The following CACNA1S variants were observed in gnomAD, a reference collection of about 807,000 sequenced individuals.
The protein encoded by CACNA1S is calcium voltage-gated channel subunit alpha1 S.
In CACNA1S, 126 loss-of-function variants were observed where a neutral mutation model predicts 207.4. The ratio of observed to expected loss-of-function variants is 0.61; its 90% CI spans 0.53 to 0.70. The LOEUF (loss-of-function observed/expected upper bound fraction) is 0.70, where lower values mean the gene tolerates loss of function less well. Ranked by LOEUF, CACNA1S falls within the 30% of genes least tolerant of loss-of-function variation. The pLI, the probability that CACNA1S is intolerant of heterozygous loss-of-function variation, is 0.00. For missense variants in CACNA1S, 2,349 were observed against 2,422.8 expected, an observed-to-expected ratio of 0.97 and a Z score of 0.64; for synonymous variants, 960 against 932.7, an observed-to-expected ratio of 1.03 and a Z score of -0.53.
At chr1:201,094,113 T>C in intron 2 of CACNA1S, 92 bp from the exon 3 acceptor site, 1 of 1,525,884 alleles carries the variant, frequency 6.6e-7, no homozygotes, top group Non-Finnish European at 9.1e-7. Context: ...TCCCTGCTGT[T>C]GCTCAGGCAC....
Position 201,077,082 on chromosome 1 carries a change from G to A in CACNA1S, c.1665C>T (p.Ser555=). Residue 555 remains serine, a synonymous_variant, in exon 12 of 44, where the codon TCC becomes TCT. Transcript: ENST00000362061. The part of the protein sequence containing the change: ...LSNLVASLLN[S]IRSIASLLLL... Reference sequence around the variant, plus strand: ...GCAGCAGGGAGGCGATGGAGCGGATGGAGTTGAGCAGGGATGCCACCAGGT... The same window carrying A: ...GCAGCAGGGAGGCGATGGAGCGGATAGAGTTGAGCAGGGATGCCACCAGGT... 1 of 1,614,212 alleles carries A rather than the reference G, an allele frequency of 6.2e-7. No homozygotes were observed. Among genetic ancestry groups the A allele is most frequent in the Non-Finnish European group, 8.5e-7 (1 of 1,180,030 alleles).
chr1:201,069,552 A>T lies in CACNA1S; in HGVS notation c.2410T>A (p.Phe804Ile). The change falls in exon 18 of 44, where the codon TTC (phenylalanine) becomes ATC (isoleucine). Residue 804 changes from phenylalanine to isoleucine, a missense_variant. Transcript: ENST00000362061. Reference protein sequence around the residue: ...RIVNATWFTNFILLFILLSSA... With the variant: ...RIVNATWFTNIILLFILLSSA... Reference sequence around the variant, plus strand: ...CTGAGCAGGATGAAGAGCAGGATGAAGTTGGTAAACCAGGTGGCATTGACG... The same window carrying T: ...CTGAGCAGGATGAAGAGCAGGATGATGTTGGTAAACCAGGTGGCATTGACG... The T allele has an allele frequency of 6.3e-7, 1 of 1,577,010 alleles. No individual in the cohort carries two copies. The highest frequency in any genetic ancestry group is 8.6e-7 in the Non-Finnish European group (1 of 1,161,786).
At chr1:201,070,143 C>A (rs1228931033) in intron 17 of CACNA1S, 129 bp downstream of exon 17, 6 of 1,041,098 alleles carry the variant, frequency 5.8e-6, no homozygotes, top group African/African-American at 1.6e-5. Context: ...GGCACAAGAT[C>A]TTAAGCTAAA....
chr1:201,086,403 G>A (rs550270820), intron 7 of CACNA1S, among the ~76,000 whole-genome samples: 1 of 152,358 alleles, frequency 6.6e-6, no homozygotes, highest in Admixed American at 6.5e-5. Flanking sequence ...TCTGAGAAAG[G>A]CATTGTTAGG....
At chr1:201,108,108 T>A (rs990564785) in intron 2 of CACNA1S, among the ~76,000 whole-genome samples, 48 of 146,926 alleles carry the variant, frequency 3.3e-4, no homozygotes, top group African/African-American at 1.2e-3. Context: ...AGATGTAATT[T>A]TTTTTTTTTT....
intron 32 of CACNA1S, 92 bp from the exon 33 acceptor site, chr1:201,051,235 G>T: frequency 8.0e-7 from 1 of 1,242,290 alleles, no homozygotes; most frequent in Non-Finnish European, 1.2e-6. Flanking sequence ...GTGGACAGAT[G>T]AGCAAACTGG....
intron 28 of CACNA1S, among the ~76,000 whole-genome samples, chr1:201,056,826 C>A (rs530216682): frequency 1.3e-5 from 2 of 152,166 alleles, no homozygotes; most frequent in African/African-American, 4.8e-5. Flanking sequence ...TAAGGCAGGT[C>A]CTGCTGCTGT....
At chr1:201,078,200 T>G in intron 10 of CACNA1S, 96 bp from the exon 11 acceptor site, 2 of 957,798 alleles carry the variant, frequency 2.1e-6, no homozygotes, top group Non-Finnish European at 1.7e-6. Flanking sequence ...GGACGCCCCT[T>G]CCCTTGTTTC....
In CACNA1S at chr1:201,047,144, G is replaced by C; in HGVS notation, c.4639C>G (p.Arg1547Gly). The change falls in exon 38 of 44, where the codon CGG (arginine) becomes GGG (glycine). Residue 1547 changes from arginine to glycine, a missense_variant. Coordinates refer to ENST00000362061, the MANE Select transcript of CACNA1S (RefSeq NM_000069.3). ...MKRQEEYYGY[R>G]PKKDIVQIQA... Reference sequence around the variant, plus strand: ...ATCTGTACAATGTCCTTCTTGGGCCGATAGCCATAATACTCCTCTTGGCGT... The same window carrying C: ...ATCTGTACAATGTCCTTCTTGGGCCCATAGCCATAATACTCCTCTTGGCGT... The C allele has an allele frequency of 6.2e-7, 1 of 1,614,194 alleles. No homozygotes were observed. The highest frequency in any genetic ancestry group is 8.5e-7 in the Non-Finnish European group (1 of 1,180,046).
rs1231338913 is a variant in CACNA1S at position 201,052,610 on chromosome 1, T to C, written c.3900A>G (p.Ile1300Met). 6.2e-7 allele frequency: 1 copy of C among 1,613,820 alleles called. No individual in the cohort carries two copies. Among genetic ancestry groups the C allele is most frequent in the African/African-American group, 1.3e-5 (1 of 74,832 alleles). Residue 1300 changes from isoleucine to methionine, a missense_variant, in exon 32 of 44, where the codon ATA becomes ATG. By Grantham distance (10) the Ile-to-Met change is conservative. Coordinates refer to ENST00000362061, the MANE Select transcript of CACNA1S (RefSeq NM_000069.3). ...AGGTCTGGAAGTTGTTGTTCCGGTT[T>C]ATTTGGGTCCCATCCACCAAGGCGA... ...GKIALVDGTQINRNNNFQTFP... is the reference protein window; with the variant it reads ...GKIALVDGTQMNRNNNFQTFP...
At chr1:201,094,145 C>A in intron 2 of CACNA1S, 124 bp from the exon 3 acceptor site, 1 of 1,128,274 alleles carries the variant, frequency 8.9e-7, no homozygotes. Flanking sequence ...GACGTTTGCA[C>A]TTGCTGATGG....
chr1:201,046,090 A>G (rs1647571010), intron 38 of CACNA1S, among the ~76,000 whole-genome samples: 1 of 152,188 alleles, frequency 6.6e-6, no homozygotes, highest in Non-Finnish European at 1.5e-5. Flanking sequence ...CCAAAAATAG[A>G]AATAAAACCA....
Position 201,040,020 on chromosome 1 carries a change from G to T in CACNA1S, c.5433C>A (p.Gly1811=). Residue 1811 remains glycine, a synonymous_variant, in exon 44 of 44, where the codon GGC becomes GGA. Transcript: ENST00000362061. ...AADANFIMAT[G]QALADACQME... is the part of the protein sequence containing the mutation. ...TTTGGCAGGCATCTGCCAGGGCCTG[G>T]CCTGTTGCCATGATGAAGTTTGCAT... is the stretch of plus-strand genomic sequence containing the variant. 6.2e-7 allele frequency: 1 copy of T among 1,614,082 alleles called. No homozygotes were observed. Among genetic ancestry groups the T allele is most frequent in the Non-Finnish European group, 8.5e-7 (1 of 1,179,912 alleles).
At chr1:201,058,052 A>G (rs1391944937) in intron 28 of CACNA1S, among the ~76,000 whole-genome samples, 1 of 152,118 alleles carries the variant, frequency 6.6e-6, no homozygotes, top group Admixed American at 6.5e-5. Context: ...GCCCTGCCTG[A>G]GGTGCTTGCT....
At chr1:201,092,187 T>C in intron 3 of CACNA1S, 73 bp from the exon 4 acceptor site, 1 of 1,569,578 alleles carries the variant, frequency 6.4e-7, no homozygotes, top group East Asian at 2.2e-5. Context: ...TGAGGCCCTG[T>C]GTCCTGTCCA....
At chr1:201,085,707 G>A in intron 7 of CACNA1S, 126 bp from the exon 8 acceptor site, 1 of 1,055,756 alleles carries the variant, frequency 9.5e-7, no homozygotes, top group Non-Finnish European at 1.4e-6. Flanking sequence ...GCCCCGGGGT[G>A]TTGCCTGGGG....
rs144935943 is a variant in CACNA1S, at chr1:201,058,475, G to C, written c.3542C>G (p.Pro1181Arg). ...AATCAGGAAGTCAAACACATTCCAGGGGTCTCCAAAGTAGCCCTGGGAAGG... is the reference window on the plus strand; with the variant it reads ...AATCAGGAAGTCAAACACATTCCAGCGGTCTCCAAAGTAGCCCTGGGAAGG... ...AFKARGYFGD[P>R]WNVFDFLIVI... Residue 1181 changes from proline (P) to arginine (R), a missense_variant, in exon 28 of 44, where the codon CCC (proline) becomes CGC (arginine). Physicochemically the swap from Pro to Arg is moderately radical, Grantham distance 103. Coordinates refer to ENST00000362061, the MANE Select transcript of CACNA1S (RefSeq NM_000069.3). The C allele has an allele frequency of 8.1e-6, 13 of 1,614,094 alleles. No individual in the cohort carries two copies. The South Asian group carries it at 1.4e-4, about 18-fold the overall frequency.
intron 25 of CACNA1S, 121 bp downstream of exon 25, chr1:201,061,146 G>T (rs1016861010): frequency 1.2e-6 from 1 of 845,318 alleles, no homozygotes; most frequent in African/African-American, 1.7e-5. Context: ...CTAGGGCTTG[G>T]CATCAAATGC....
intron 19 of CACNA1S, among the ~76,000 whole-genome samples, chr1:201,067,427 C>T (rs1197941916): frequency 1.3e-5 from 2 of 152,322 alleles, no homozygotes; most frequent in African/African-American, 2.4e-5. Context: ...TCTCTCCTCC[C>T]TCTCCACCTC....
Sources: allele counts gnomAD v4.1 joint callset (sites outside exome capture counted in the v4.1 genomes callset), GRCh38; gene constraint gnomAD v4.1.1; transcripts MANE v1.5; gene names NCBI Gene and HGNC (gene_info 2026-07-23, HGNC 2026-07-21).